Variants in MCC observed in about 807,000 individuals in gnomAD.
The protein encoded by MCC is MCC regulator of Wnt signaling pathway, also known as colorectal mutant cancer protein.
A neutral mutation model predicts 116.2 loss-of-function variants in MCC; 90 were observed. That is an observed-to-expected ratio of 0.77 (90% CI 0.65 to 0.92). The LOEUF (loss-of-function observed/expected upper bound fraction) is 0.92. MCC is among the 40% of genes least tolerant of loss of function. The pLI, the probability that MCC is intolerant of heterozygous loss-of-function variation, is 0.00. For missense variants in MCC, 1,516 were observed against 1,312.2 expected, an observed-to-expected ratio of 1.16 and a Z score of -2.40; for synonymous variants, 578 against 510.5, an observed-to-expected ratio of 1.13 and a Z score of -1.78.
intron 2 of MCC, among the ~76,000 whole-genome samples, chr5:113,341,754 C>T (rs1768019363): frequency 6.6e-6 from 1 of 152,162 alleles, no homozygotes; most frequent in Non-Finnish European, 1.5e-5. Flanking sequence ...GCCTGGATTC[C>T]AGAATCATCA....
At position 113,488,381 on chromosome 5, in the gene MCC, T is replaced by TG; in HGVS notation, c.33_34insC (p.Ser12GlnfsTer48). The TG allele has an allele frequency of 6.9e-7, 1 of 1,449,144 alleles. No homozygotes were observed. The highest frequency in any genetic ancestry group is 1.5e-5 in the South Asian group (1 of 66,650). 89.8% of individuals were successfully genotyped at this position (1,449,144 alleles called of 1,614,324 possible). ...CCGCCGCCGCCGCCGCTGCTGGAGC[T>TG]CCCCGCAGCCGCTGCCGCCGCGGCC... On this transcript the variant is annotated frameshift_variant, in exon 1 of 19. Coordinates refer to ENST00000408903, the MANE Select transcript of MCC (RefSeq NM_001085377.2). LOFTEE classifies it high-confidence loss of function.
intron 1 of MCC, chr5:113,433,565 A>G (rs1335704915): frequency 2.4e-6 from 2 of 839,890 alleles, no homozygotes; most frequent in Non-Finnish European, 3.6e-6. Context: ...TCATCCACCT[A>G]GGGGCCACGG....
rs1750497789 is a variant in MCC, at chr5:113,025,734, A to G, written c.*1568T>C. On this transcript the variant is annotated 3_prime_UTR_variant, in exon 19 of 19. Coordinates refer to ENST00000408903, the MANE Select transcript of MCC (RefSeq NM_001085377.2). ...GTTGATCTGTTGTTTCGTTTTGGAGATGGGCAGCCTCACTGCTGGCCTCTC... is the reference window on the plus strand; with the variant it reads ...GTTGATCTGTTGTTTCGTTTTGGAGGTGGGCAGCCTCACTGCTGGCCTCTC... 6.6e-6 allele frequency: 1 copy of G among 152,122 alleles called. No individual in the cohort carries two copies. The highest frequency in any genetic ancestry group is 2.4e-5 in the African/African-American group (1 of 41,422). The allele number at this position is 152,122 out of a possible 1,614,324, so 9.4% of individuals were successfully genotyped here. A position where few individuals can be genotyped will look rare whatever the true frequency, so the allele number is the denominator to read the frequency against.
chr5:113,151,285 TA>T, intron 4 of MCC, 23 bp downstream of exon 4: 1 of 1,459,806 alleles, frequency 6.9e-7, no homozygotes, highest in Non-Finnish European at 9.5e-7. Flanking sequence ...AAAAGCAAAC[TA>T]AAAACCTTTC....
chr5:113,047,682 T>C (rs914520288), intron 16 of MCC, among the ~76,000 whole-genome samples: 8 of 152,172 alleles, frequency 5.3e-5, no homozygotes, highest in Non-Finnish European at 1.0e-4. Flanking sequence ...CAAGAGAAGC[T>C]TGCATTTATT....
At chr5:113,348,136 T>G (rs934715586) in intron 2 of MCC, among the ~76,000 whole-genome samples, 1 of 151,966 alleles carries the variant, frequency 6.6e-6, no homozygotes, top group Admixed American at 6.6e-5. Context: ...AACACCCCAT[T>G]TTCAGTGTTG....
intron 3 of MCC, among the ~76,000 whole-genome samples, chr5:113,229,688 G>C (rs1363067021): frequency 6.6e-6 from 1 of 152,178 alleles, no homozygotes; most frequent in African/African-American, 2.4e-5. Flanking sequence ...GGTCCTGTAA[G>C]ATTGTAATAC....
intron 3 of MCC, among the ~76,000 whole-genome samples, chr5:113,273,743 T>C (rs1765705357): frequency 6.6e-6 from 1 of 151,934 alleles, no homozygotes; most frequent in Non-Finnish European, 1.5e-5. Flanking sequence ...ATTAAGCAAA[T>C]GAATGCAATT....
intron 3 of MCC, among the ~76,000 whole-genome samples, chr5:113,174,284 G>C (rs1761217388): frequency 6.6e-6 from 1 of 152,146 alleles, no homozygotes; most frequent in Non-Finnish European, 1.5e-5. Flanking sequence ...AAGGGACTCA[G>C]CTAACAAAAA....
intron 14 of MCC, among the ~76,000 whole-genome samples, chr5:113,056,636 C>A (rs1045286738): frequency 3.3e-5 from 5 of 152,078 alleles, no homozygotes; most frequent in African/African-American, 1.2e-4. Flanking sequence ...AAGCTTAATA[C>A]CTGGGTGACA....
At chr5:113,086,395 G>A (rs1755204964) in intron 8 of MCC, among the ~76,000 whole-genome samples, 1 of 152,074 alleles carries the variant, frequency 6.6e-6, no homozygotes, top group Admixed American at 6.5e-5. Context: ...TGTCTGTATT[G>A]GGGAAAATAT....
intron 8 of MCC, among the ~76,000 whole-genome samples, chr5:113,096,582 C>A (rs1262905918): frequency 6.6e-6 from 1 of 152,108 alleles, no homozygotes; most frequent in Non-Finnish European, 1.5e-5. Flanking sequence ...GTTCCTAAGC[C>A]CCTTTATGGT....
At chr5:113,182,205 G>A (rs547884179) in intron 3 of MCC, among the ~76,000 whole-genome samples, 126 of 152,332 alleles carry the variant, frequency 8.3e-4, no homozygotes, top group Non-Finnish European at 1.1e-3. Context: ...AGAAGGGACT[G>A]AACTGCATTT....
chr5:113,158,877 C>T (rs1760323098), intron 3 of MCC, among the ~76,000 whole-genome samples: 1 of 152,188 alleles, frequency 6.6e-6, no homozygotes, highest in South Asian at 2.1e-4. Flanking sequence ...TCCAACTCAA[C>T]ATACCACGGC....
At chr5:113,430,520 A>T (rs1423105018) in intron 1 of MCC, among the ~76,000 whole-genome samples, 1 of 152,238 alleles carries the variant, frequency 6.6e-6, no homozygotes, top group Non-Finnish European at 1.5e-5. Flanking sequence ...TGACATTGGC[A>T]GTGTATGAAA....
intron 2 of MCC, among the ~76,000 whole-genome samples, chr5:113,354,782 G>GTAT (rs753455923): frequency 0.01 from 719 of 70,824 alleles, 9 homozygotes; most frequent in East Asian, 0.061. Context: ...CATATACCCT[G>GTAT]TATTATTATT....
chr5:113,417,940 A>C (rs1770203275), intron 1 of MCC, among the ~76,000 whole-genome samples: 1 of 152,172 alleles, frequency 6.6e-6, no homozygotes, highest in African/African-American at 2.4e-5. Context: ...TTCCAAAAAA[A>C]AAAAAAAGTC....
chr5:113,077,749 AG>A (rs1296889951), intron 11 of MCC, among the ~76,000 whole-genome samples: 1 of 152,212 alleles, frequency 6.6e-6, no homozygotes, highest in African/African-American at 2.4e-5. Context: ...TAAAAGAATT[AG>A]AAAATCAAGA....
At chr5:113,167,119 T>C (rs1052011954) in intron 3 of MCC, among the ~76,000 whole-genome samples, 1 of 152,198 alleles carries the variant, frequency 6.6e-6, no homozygotes, top group Admixed American at 6.5e-5. Flanking sequence ...AGTCTGATGA[T>C]TCTCTCACTT....
Sources: gnomAD v4.1 joint callset for allele counts (sites outside exome capture counted in the v4.1 genomes callset) on GRCh38, gnomAD v4.1.1 for gene constraint, MANE v1.5 for transcripts, NCBI Gene and HGNC (gene_info 2026-07-23, HGNC 2026-07-21) for gene names.